PDK3: variants seen among roughly 807,000 people sequenced by gnomAD.
The protein encoded by PDK3 is pyruvate dehydrogenase kinase, isozyme 3.
In PDK3, 12 loss-of-function variants were observed where a neutral mutation model predicts 32.0. The ratio of observed to expected loss-of-function variants is 0.37; its 90% CI spans 0.24 to 0.61. The LOEUF is 0.61. Ranked by LOEUF, PDK3 falls within the 20% of genes least tolerant of loss-of-function variation. The pLI is 0.65. For synonymous variants in PDK3, 122 were observed against 116.3 expected (o/e 1.05, Z -0.31); for missense variants, 188 against 316.9 (o/e 0.59, Z 3.09).
chrX:24,529,286 T>A (rs1033513076), intron 9 of PDK3, among the ~76,000 whole-genome samples: 1 of 112,103 alleles, frequency 8.9e-6, no homozygotes, highest in African/African-American at 3.2e-5. Flanking sequence ...AGGTTTTTTT[T>A]CTTATTGAAA....
At chrX:24,522,458 T>C (rs1276252473) in intron 6 of PDK3, among the ~76,000 whole-genome samples, 2 of 110,955 alleles carry the variant, frequency 1.8e-5, no homozygotes, top group African/African-American at 6.6e-5. Context: ...ACTGAAAAAA[T>C]AAAAATAAAA....
chrX:24,488,464 G>A (rs927887609), intron 1 of PDK3, among the ~76,000 whole-genome samples: 9 of 112,099 alleles, frequency 8.0e-5, no homozygotes, highest in Non-Finnish European at 1.3e-4. Context: ...TGAGGCAGGC[G>A]GATCATCTGA....
intron 1 of PDK3, among the ~76,000 whole-genome samples, chrX:24,470,804 C>T (rs5986440): frequency 0.38 from 41,296 of 108,432 alleles, 5,963 homozygotes; most frequent in African/African-American, 0.51. Context: ...TCTTAATTTT[C>T]CCTGTGACAT....
intron 5 of PDK3, among the ~76,000 whole-genome samples, chrX:24,506,768 A>G: frequency 9.4e-6 from 1 of 106,261 alleles, no homozygotes; most frequent in Non-Finnish European, 1.9e-5. Context: ...CCATCACCAC[A>G]ATCCAGTTGT....
intron 3 of PDK3, chrX:24,499,157 G>A (rs963380052): frequency 4.9e-6 from 1 of 202,231 alleles, no homozygotes; most frequent in Admixed American, 7.5e-5. Flanking sequence ...GGTGAACTGG[G>A]CAGTCACTAT....
Position 24,467,617 on chromosome X carries a change from C to T in PDK3, c.106+2056C>T, listed in dbSNP as rs552334455. ...CTTTAATGACAGGACAACTAAAAGA[C>T]GGGAGTTGTTGCAAAAAGGCCATCT... On this transcript the variant is annotated intron_variant, in intron 1 of 10. Coordinates refer to ENST00000379162, the MANE Select transcript of PDK3 (RefSeq NM_005391.5). Among the ~76,000 whole-genome samples the T allele has an allele frequency of 1.6e-4, 18 of 112,241 alleles. No individual in the cohort carries two copies. In the South Asian group the frequency reaches 2.5e-3, roughly 16 times the overall value.
At chrX:24,472,675 C>CTTTTTTTTTTTTTTTTTTT (rs761538432) in intron 1 of PDK3, among the ~76,000 whole-genome samples, 1 of 49,702 alleles carries the variant, frequency 2.0e-5, no homozygotes, top group Non-Finnish European at 3.4e-5. Context: ...TTCTTTCTTT[C>CTTTTTTTTTTTTTTTTTTT]TTTTTTTTTT....
At chrX:24,466,839 T>C (rs192275030) in intron 1 of PDK3, among the ~76,000 whole-genome samples, 3 of 112,378 alleles carry the variant, frequency 2.7e-5, no homozygotes, top group Admixed American at 1.9e-4. Context: ...AGGCAGTTTC[T>C]GACTTTAGAG....
At position 24,515,949 on chromosome X, in the gene PDK3, A is replaced by C. The variant is rs145400905; in HGVS notation, c.596-2984A>C. 7.3e-4 allele frequency among the ~76,000 whole-genome samples: 80 copies of C among 110,151 alleles called. No homozygotes were observed. The East Asian group carries it at 0.021, about 29-fold the overall frequency. ...TTGTCTGAGTTATTTTAATGTCTCT[A>C]TCTTTGGTTCTTTATAGAGATTTAA... On this transcript the variant is annotated intron_variant, in intron 5 of 10. Coordinates refer to ENST00000379162, the MANE Select transcript of PDK3 (RefSeq NM_005391.5).
intron 1 of PDK3, among the ~76,000 whole-genome samples, chrX:24,481,082 C>T (rs1347763241): frequency 2.9e-5 from 3 of 104,145 alleles, no homozygotes; most frequent in Non-Finnish European, 3.9e-5. Flanking sequence ...CTTGCTCTGT[C>T]GCCCAGGCTG....
intron 6 of PDK3, among the ~76,000 whole-genome samples, chrX:24,521,768 C>G (rs1458571600): frequency 8.9e-6 from 1 of 111,842 alleles, no homozygotes; most frequent in East Asian, 2.8e-4. Flanking sequence ...CTTTCCGACT[C>G]TTTTTGGCAT....
rs183900659 is a variant in PDK3, at chrX:24,484,891, T to G, written c.107-9851T>G. Among the ~76,000 whole-genome samples the G allele has an allele frequency of 2.7e-5, 3 of 111,291 alleles. No homozygotes were observed. The Admixed American group carries it at 2.9e-4, about 11-fold the overall frequency. ...CACATACACATGCTTTATGCTTTTTTGCTGAACCATTTGAGAATAAATTGC... is the reference window on the plus strand; with the variant it reads ...CACATACACATGCTTTATGCTTTTTGGCTGAACCATTTGAGAATAAATTGC... On this transcript the variant is annotated intron_variant, in intron 1 of 10. Coordinates refer to ENST00000379162, the MANE Select transcript of PDK3 (RefSeq NM_005391.5).
intron 6 of PDK3, among the ~76,000 whole-genome samples, chrX:24,523,362 A>G (rs1333295366): frequency 1.8e-5 from 2 of 112,438 alleles, no homozygotes; most frequent in Admixed American, 1.9e-4. Context: ...TTCCGTCCAT[A>G]AGAGGCATGA....
chrX:24,477,015 G>A (rs1921130272), intron 1 of PDK3, among the ~76,000 whole-genome samples: 1 of 112,137 alleles, frequency 8.9e-6, no homozygotes, highest in South Asian at 3.7e-4. Context: ...TGTTTCTCCT[G>A]TATGCTAGTA....
In PDK3 at chrX:24,521,479, T is replaced by C. The variant is rs904892273; in HGVS notation, c.673+2469T>C. Among the ~76,000 whole-genome samples, 46 of 110,745 alleles carry C rather than the reference T, an allele frequency of 4.2e-4. 1 individual carries two copies. Among genetic ancestry groups the C allele is most frequent in the Admixed American group, 3.9e-4 (4 of 10,364 alleles). On this transcript the variant is annotated intron_variant, in intron 6 of 10. Transcript: ENST00000379162. ...TTCTCTGAGAAGAGTCATGTCCCCA[T>C]TGAATAAATATACTACCAGGACCGA...
chrX:24,475,525 G>C (rs1485218158), intron 1 of PDK3, among the ~76,000 whole-genome samples: 1 of 110,493 alleles, frequency 9.1e-6, no homozygotes, highest in Non-Finnish European at 1.9e-5. Flanking sequence ...CAGGCATAGT[G>C]GTGCACCCCT....
At chrX:24,488,004 C>CAAA (rs34710130) in intron 1 of PDK3, among the ~76,000 whole-genome samples, 19 of 27,474 alleles carry the variant, frequency 6.9e-4, no homozygotes, top group African/African-American at 1.7e-3. Context: ...AACTCCATCT[C>CAAA]AAAAAAAAAA....
At chrX:24,482,320 T>A (rs917412434) in intron 1 of PDK3, among the ~76,000 whole-genome samples, 2 of 111,782 alleles carry the variant, frequency 1.8e-5, no homozygotes, top group Non-Finnish European at 3.8e-5. Flanking sequence ...GTGATTCTCC[T>A]GCCTTAGCCT....
intron 1 of PDK3, among the ~76,000 whole-genome samples, chrX:24,491,096 T>A (rs1410773810): frequency 9.2e-6 from 1 of 109,120 alleles, no homozygotes; most frequent in African/African-American, 3.3e-5. Context: ...GCGGATCACC[T>A]GAGGTCAGGA....
Sources: allele counts gnomAD v4.1 joint callset (sites outside exome capture counted in the v4.1 genomes callset), GRCh38; gene constraint gnomAD v4.1.1; transcripts MANE v1.5; gene names NCBI Gene and HGNC (gene_info 2026-07-23, HGNC 2026-07-21).